The following SAMD3 variants were observed in gnomAD, a reference collection of about 807,000 sequenced individuals.
SAMD3 encodes sterile alpha motif domain-containing protein 3.
In SAMD3, 63 loss-of-function variants were observed where a neutral mutation model predicts 58.5. The observed-to-expected ratio is 1.08, with a 90% CI of 0.88 to 1.33. The LOEUF is 1.33. Ranked by LOEUF, SAMD3 falls within the 40% of genes most tolerant of loss-of-function variation. The pLI is 0.00. For missense variants in SAMD3, 604 were observed against 608.4 expected, an observed-to-expected ratio of 0.99 and a Z score of 0.08; for synonymous variants, 220 against 210.3, an observed-to-expected ratio of 1.05 and a Z score of -0.40.
At chr6:130,331,807 A>T (rs1383081128) in intron 1 of SAMD3, among the ~76,000 whole-genome samples, 1 of 152,206 alleles carries the variant, frequency 6.6e-6, no homozygotes, top group African/African-American at 2.4e-5. Context: ...AAATATATAT[A>T]TGTATGTTTA....
At chr6:130,336,398 A>G (rs1356624707) in intron 1 of SAMD3, among the ~76,000 whole-genome samples, 2 of 152,224 alleles carry the variant, frequency 1.3e-5, no homozygotes, top group African/African-American at 2.4e-5. Flanking sequence ...GAGTTCCAAC[A>G]TAGTGCATGG....
At chr6:130,171,442 C>T (rs1442013899) in intron 8 of SAMD3, among the ~76,000 whole-genome samples, 2 of 152,126 alleles carry the variant, frequency 1.3e-5, no homozygotes, top group African/African-American at 2.4e-5. Flanking sequence ...CAAAGAACAT[C>T]TTTGTTTCTG....
intron 1 of SAMD3, among the ~76,000 whole-genome samples, chr6:130,361,286 T>C (rs1196749323): frequency 6.6e-6 from 1 of 152,200 alleles, no homozygotes; most frequent in Admixed American, 6.5e-5. Flanking sequence ...AACTAATAAA[T>C]GTCCATGAAA....
At chr6:130,182,380 A>G (rs1044505257) in intron 7 of SAMD3, among the ~76,000 whole-genome samples, 3 of 152,224 alleles carry the variant, frequency 2.0e-5, no homozygotes, top group African/African-American at 4.8e-5. Context: ...CTTGGCTTCA[A>G]TAACTATCAT....
intron 1 of SAMD3, among the ~76,000 whole-genome samples, chr6:130,334,747 C>G (rs1045023078): frequency 1.2e-4 from 18 of 152,186 alleles, no homozygotes; most frequent in African/African-American, 4.3e-4. Context: ...CCCCCTTACT[C>G]AAAACTATAT....
intron 5 of SAMD3, among the ~76,000 whole-genome samples, 190 bp downstream of exon 5, chr6:130,209,305 A>C (rs576777898): frequency 6.6e-6 from 1 of 152,314 alleles, no homozygotes; most frequent in East Asian, 1.9e-4. Flanking sequence ...TCACTTTTCC[A>C]ATACAAAAAC....
At chr6:130,282,811 A>G (rs1251611301) in intron 2 of SAMD3, among the ~76,000 whole-genome samples, 1 of 152,232 alleles carries the variant, frequency 6.6e-6, no homozygotes, top group African/African-American at 2.4e-5. Flanking sequence ...CCTTGAAAGA[A>G]AGAGATTGGT....
At chr6:130,337,455 G>A (rs1777133980) in intron 1 of SAMD3, among the ~76,000 whole-genome samples, 2 of 152,288 alleles carry the variant, frequency 1.3e-5, no homozygotes, top group South Asian at 2.1e-4. Context: ...ATAGCAGTGT[G>A]AGAATGGACT....
intron 6 of SAMD3, 44 bp from the exon 7 acceptor site, chr6:130,184,231 C>T: frequency 6.9e-7 from 1 of 1,443,180 alleles, no homozygotes; most frequent in Non-Finnish European, 9.6e-7. Context: ...TCAAGCAAAC[C>T]ACATTCCTTC....
rs539717390 is a variant in SAMD3 at position 130,277,695 on chromosome 6, C to A, written c.-188+35283G>T. Among the ~76,000 whole-genome samples the A allele has an allele frequency of 2.6e-5, 4 of 152,242 alleles. No homozygotes were observed. The South Asian group carries it at 6.2e-4, about 24-fold the overall frequency. On this transcript the variant is annotated intron_variant, in intron 2 of 13. Transcript: ENST00000368134. ...TGTTCTTCCTTGGTTCTCTGAGGCA[C>A]AGGCTTGGTTTATAATGTGGTAACA... is the stretch of plus-strand genomic sequence containing the variant.
chr6:130,242,257 C>T (rs1266199758), intron 2 of SAMD3, among the ~76,000 whole-genome samples: 5 of 152,192 alleles, frequency 3.3e-5, no homozygotes, highest in African/African-American at 1.2e-4. Flanking sequence ...GTTGGCTAGA[C>T]AGTGTCTGTC....
At chr6:130,315,927 T>C (rs1047359506) in intron 1 of SAMD3, among the ~76,000 whole-genome samples, 9 of 152,154 alleles carry the variant, frequency 5.9e-5, no homozygotes, top group Non-Finnish European at 1.3e-4. Flanking sequence ...TGTGTATATA[T>C]GTGCTAAGGA....
intron 8 of SAMD3, among the ~76,000 whole-genome samples, chr6:130,165,066 A>G (rs1448610866): frequency 1.3e-5 from 2 of 152,212 alleles, no homozygotes; most frequent in Non-Finnish European, 2.9e-5. Flanking sequence ...ACTTTCAATA[A>G]TAAATAGAAC....
At chr6:130,288,949 CA>C (rs1382529406) in intron 2 of SAMD3, among the ~76,000 whole-genome samples, 4 of 152,322 alleles carry the variant, frequency 2.6e-5, no homozygotes, top group Middle Eastern at 3.4e-3. Flanking sequence ...TGCTAGCAAA[CA>C]TCACCCTTTG....
chr6:130,209,732 A>G (rs1795372764), intron 4 of SAMD3, 124 bp from the exon 5 acceptor site: 2 of 575,336 alleles, frequency 3.5e-6, no homozygotes, highest in Non-Finnish European at 6.1e-6. Context: ...TCCCAGTTCC[A>G]CGTTAGACTC....
At chr6:130,150,713 CT>C (rs535281930) in intron 9 of SAMD3, among the ~76,000 whole-genome samples, 509 of 135,902 alleles carry the variant, frequency 3.7e-3, no homozygotes, top group East Asian at 1.0e-2. Flanking sequence ...GGCCAGAATT[CT>C]TTTTTTTTTT....
At chr6:130,327,840 G>T (rs1355805) in intron 1 of SAMD3, among the ~76,000 whole-genome samples, 1,724 of 152,288 alleles carry the variant, frequency 0.011, 41 homozygotes, top group East Asian at 0.057. Context: ...TATTATGACT[G>T]ATGAAACCTA....
At chr6:130,300,965 C>G (rs1293250010) in intron 2 of SAMD3, among the ~76,000 whole-genome samples, 4 of 152,108 alleles carry the variant, frequency 2.6e-5, no homozygotes, top group Non-Finnish European at 5.9e-5. Context: ...TGCTATCCCT[C>G]CCTCAGCCCC....
chr6:130,156,902 C>G (rs950757989), intron 8 of SAMD3, among the ~76,000 whole-genome samples: 2 of 151,932 alleles, frequency 1.3e-5, no homozygotes, highest in African/African-American at 4.8e-5. Context: ...AACCCTGTCT[C>G]TACTAAAAAT....
Sources: allele counts gnomAD v4.1 joint callset (sites outside exome capture counted in the v4.1 genomes callset), GRCh38; gene constraint gnomAD v4.1.1; transcripts MANE v1.5; gene names NCBI Gene and HGNC (gene_info 2026-07-23, HGNC 2026-07-21).